PAK1: variants seen among roughly 807,000 people sequenced by gnomAD.
PAK1 encodes serine/threonine-protein kinase PAK 1.
In PAK1, 29 loss-of-function variants were observed where a neutral mutation model predicts 67.4. That is an observed-to-expected ratio of 0.43 (90% CI 0.32 to 0.59). The LOEUF is 0.59. Among genes scored for constraint, PAK1 ranks in the 20% least tolerant of loss-of-function variants. The pLI is 0.07. For missense variants in PAK1, 337 were observed against 670.7 expected, an observed-to-expected ratio of 0.50 and a Z score of 5.50; for synonymous variants, 223 against 237.4, an observed-to-expected ratio of 0.94 and a Z score of 0.56.
chr11:77,414,608 AACTG>A (rs1195622154), intron 1 of PAK1, among the ~76,000 whole-genome samples: 2 of 152,244 alleles, frequency 1.3e-5, no homozygotes, highest in Non-Finnish European at 1.5e-5. Context: ...AAATGTGGTT[AACTG>A]ACTGTAAAAG....
intron 1 of PAK1, among the ~76,000 whole-genome samples, chr11:77,428,241 G>A (rs971569282): frequency 3.3e-5 from 5 of 152,120 alleles, no homozygotes; most frequent in African/African-American, 9.7e-5. Context: ...TGAAAGCAAG[G>A]AGATCAGTTA....
At chr11:77,332,889 C>T (rs1941958148) in intron 13 of PAK1, 22 bp from the exon 14 acceptor site, 1 of 1,611,418 alleles carries the variant, frequency 6.2e-7, no homozygotes, top group Non-Finnish European at 8.5e-7. Flanking sequence ...AATGGTGAAT[C>T]ACCTTGAGCT....
intron 1 of PAK1, among the ~76,000 whole-genome samples, chr11:77,438,257 A>C (rs1207494035): frequency 2.0e-5 from 3 of 152,120 alleles, no homozygotes; most frequent in Non-Finnish European, 4.4e-5. Context: ...CACACTTTTA[A>C]ACAACCAGAT....
At chr11:77,392,935 C>T (rs533512417) in intron 1 of PAK1, among the ~76,000 whole-genome samples, 1 of 152,304 alleles carries the variant, frequency 6.6e-6, no homozygotes, top group South Asian at 2.1e-4. Context: ...AATAAAACTG[C>T]TAACAGCATT....
the PAK1 span, among the ~76,000 whole-genome samples, chr11:77,511,563 C>T: frequency 0.016 from 2,498 of 152,260 alleles, 35 homozygotes; most frequent in South Asian, 0.028. Context: ...GAAAATACTT[C>T]CCAACACTCA....
At chr11:77,450,202 C>G (rs1366293799) in intron 1 of PAK1, among the ~76,000 whole-genome samples, 1 of 152,168 alleles carries the variant, frequency 6.6e-6, no homozygotes, top group Non-Finnish European at 1.5e-5. Context: ...ATAAAAGTAT[C>G]AATTCTAGGG....
the PAK1 span, among the ~76,000 whole-genome samples, chr11:77,480,743 T>C: frequency 6.6e-6 from 1 of 152,062 alleles, no homozygotes; most frequent in Non-Finnish European, 1.5e-5. Flanking sequence ...AGACAGGTCT[T>C]GAGCTCCTGA....
intron 1 of PAK1, among the ~76,000 whole-genome samples, chr11:77,416,253 A>G (rs1166133647): frequency 6.6e-6 from 1 of 152,210 alleles, no homozygotes; most frequent in Non-Finnish European, 1.5e-5. Context: ...TGCTAGCATT[A>G]CAGGTGTGAG....
At chr11:77,378,557 ACT>A (rs1457624775) in intron 4 of PAK1, among the ~76,000 whole-genome samples, 1 of 151,970 alleles carries the variant, frequency 6.6e-6, no homozygotes, top group East Asian at 1.9e-4. Flanking sequence ...CTTATAAAGA[ACT>A]CTCACATCAA....
intron 14 of PAK1, among the ~76,000 whole-genome samples, chr11:77,326,501 A>C (rs1412607093): frequency 6.6e-6 from 1 of 152,194 alleles, no homozygotes; most frequent in Non-Finnish European, 1.5e-5. Context: ...CCTGAGCAAC[A>C]TGGCAAAACC....
At chr11:77,448,962 G>A (rs750096488) in intron 1 of PAK1, among the ~76,000 whole-genome samples, 1 of 152,128 alleles carries the variant, frequency 6.6e-6, no homozygotes, top group African/African-American at 2.4e-5. Flanking sequence ...TTAAGAAGGT[G>A]GATAGAAATT....
chr11:77,488,954 G>C, the PAK1 span, among the ~76,000 whole-genome samples: 2 of 152,088 alleles, frequency 1.3e-5, no homozygotes, highest in African/African-American at 4.8e-5. Context: ...GAAGGTTATA[G>C]AACACCAGGT....
At chr11:77,405,506 C>T (rs984937779) in intron 1 of PAK1, among the ~76,000 whole-genome samples, 1 of 151,192 alleles carries the variant, frequency 6.6e-6, no homozygotes, top group Non-Finnish European at 1.5e-5. Flanking sequence ...AAGGCAGATA[C>T]ATTTTGAAGG....
chr11:77,377,286 C>T (rs1458376668), intron 4 of PAK1, among the ~76,000 whole-genome samples: 1 of 151,992 alleles, frequency 6.6e-6, no homozygotes, highest in Non-Finnish European at 1.5e-5. Context: ...TGAGCATATA[C>T]AAATGAGGTA....
rs1021672460 is a variant in PAK1, at chr11:77,369,420, T to G, written c.477+4908A>C. 2.0e-5 allele frequency among the ~76,000 whole-genome samples: 3 copies of G among 150,838 alleles called. No homozygotes were observed. In the East Asian group the frequency reaches 5.8e-4, roughly 29 times the overall value. Reference sequence around the variant, plus strand: ...TAATTCCCTATTCACTTATATGCATTTGTTGTTTAAACCTTATACATTTCT... The same window carrying G: ...TAATTCCCTATTCACTTATATGCATGTGTTGTTTAAACCTTATACATTTCT... On this transcript the variant is annotated intron_variant, in intron 5 of 14. Coordinates refer to ENST00000356341, the MANE Select transcript of PAK1 (RefSeq NM_002576.5).
intron 1 of PAK1, among the ~76,000 whole-genome samples, chr11:77,436,732 T>A (rs1035959361): frequency 4.6e-5 from 7 of 152,226 alleles, no homozygotes; most frequent in African/African-American, 1.7e-4. Context: ...AAAGCACATA[T>A]GCAGAAGAAA....
chr11:77,456,975 T>C (rs1453024720), intron 1 of PAK1, among the ~76,000 whole-genome samples: 1 of 152,146 alleles, frequency 6.6e-6, no homozygotes, highest in East Asian at 1.9e-4. Context: ...TCTCCTGACC[T>C]TGTGATCCGC....
At chr11:77,493,601 G>A in the PAK1 span, among the ~76,000 whole-genome samples, 1 of 151,618 alleles carries the variant, frequency 6.6e-6, no homozygotes, top group African/African-American at 2.4e-5. Flanking sequence ...CCTGCACTCA[G>A]TCTTGAGCTG....
At chr11:77,523,880 A>C in the PAK1 span, among the ~76,000 whole-genome samples, 2 of 152,238 alleles carry the variant, frequency 1.3e-5, no homozygotes, top group African/African-American at 4.8e-5. Context: ...CGTTTGGACC[A>C]GATCACGGCC....
Sources: allele counts gnomAD v4.1 joint callset (sites outside exome capture counted in the v4.1 genomes callset), GRCh38; gene constraint gnomAD v4.1.1; transcripts MANE v1.5; gene names NCBI Gene and HGNC (gene_info 2026-07-23, HGNC 2026-07-21).